The following ERICH6B variants were observed in gnomAD, a reference collection of about 807,000 sequenced individuals.
ERICH6B encodes the protein glutamate-rich protein 6B.
ERICH6B carries 69 observed loss-of-function variants against 80.0 expected under a neutral mutation model. The ratio of observed to expected loss-of-function variants is 0.86; its 90% CI spans 0.71 to 1.05. The LOEUF is 1.05. Ranked by LOEUF, ERICH6B falls within the 50% of genes least tolerant of loss-of-function variation. The pLI is 0.00. For missense variants in ERICH6B, 754 were observed against 796.1 expected, an observed-to-expected ratio of 0.95 and a Z score of 0.64; for synonymous variants, 283 against 291.9, an observed-to-expected ratio of 0.97 and a Z score of 0.31.
At chr13:45,542,765 C>T (rs1338381563) in intron 14 of ERICH6B, among the ~76,000 whole-genome samples, 1 of 152,220 alleles carries the variant, frequency 6.6e-6, no homozygotes, top group Admixed American at 6.5e-5. Context: ...GGCAAGGATG[C>T]TGGGATGTCA....
At chr13:45,566,245 C>G (rs941361365) in intron 9 of ERICH6B, among the ~76,000 whole-genome samples, 2 of 152,228 alleles carry the variant, frequency 1.3e-5, no homozygotes, top group Admixed American at 6.5e-5. Context: ...CATAAAATAT[C>G]AGAAAACTTG....
intron 13 of ERICH6B, 62 bp downstream of exon 13, chr13:45,549,831 C>A: frequency 6.6e-7 from 1 of 1,506,108 alleles, no homozygotes; most frequent in South Asian, 1.3e-5. Flanking sequence ...GTCTGGGAGT[C>A]ACGCTTTTTC....
chr13:45,600,383 T>C (rs896282341), intron 2 of ERICH6B, among the ~76,000 whole-genome samples: 1 of 152,168 alleles, frequency 6.6e-6, no homozygotes, highest in African/African-American at 2.4e-5. Flanking sequence ...TGTAAAAATT[T>C]ATGGGGTACC....
At chr13:45,551,037 T>A (rs955975150) in intron 11 of ERICH6B, among the ~76,000 whole-genome samples, 1 of 152,208 alleles carries the variant, frequency 6.6e-6, no homozygotes, top group African/African-American at 2.4e-5. Flanking sequence ...CTTCAATCAG[T>A]TTTTGCAAAC....
Position 45,590,633 on chromosome 13 carries a change from A to G in ERICH6B, c.686+16T>C. ...CAGGAGTTTCCACCTGATTTATCCC[A>G]AAAGAAAACTGTTACCTTGCATCAC... On this transcript the variant is annotated intron_variant, in intron 4 of 14. Coordinates refer to ENST00000298738, the MANE Select transcript of ERICH6B (RefSeq NM_182542.3). 1 of 1,550,796 alleles carries G rather than the reference A, an allele frequency of 6.4e-7. No homozygotes were observed. The highest frequency in any genetic ancestry group is 8.7e-7 in the Non-Finnish European group (1 of 1,146,568).
At chr13:45,580,543 A>G in intron 6 of ERICH6B, 60 bp downstream of exon 6, 1 of 1,523,140 alleles carries the variant, frequency 6.6e-7, no homozygotes, top group Non-Finnish European at 8.9e-7. Context: ...TGTGCTTCTT[A>G]CCTTCTCTGG....
At position 45,563,546 on chromosome 13, in the gene ERICH6B, A is replaced by G; in HGVS notation, c.1249+181T>C. 3 of 649,848 alleles carry G rather than the reference A, an allele frequency of 4.6e-6. No homozygotes were observed. In the East Asian group the frequency reaches 8.2e-5, roughly 18 times the overall value. The allele number at this position is 649,848 out of a possible 1,614,324, so 40.3% of individuals were successfully genotyped here. ...CAAGAAAGAAACTCACTGGGGCCCTAGACTGTGCCTGCCATGCTCGGTATT... is the reference window on the plus strand; with the variant it reads ...CAAGAAAGAAACTCACTGGGGCCCTGGACTGTGCCTGCCATGCTCGGTATT... On this transcript the variant is annotated intron_variant, in intron 10 of 14. Coordinates refer to ENST00000298738, the MANE Select transcript of ERICH6B (RefSeq NM_182542.3).
intron 5 of ERICH6B, 22 bp from the exon 6 acceptor site, chr13:45,580,687 T>C (rs1257234150): frequency 6.4e-7 from 1 of 1,550,708 alleles, no homozygotes; most frequent in Admixed American, 2.0e-5. Context: ...CAGAAGAGGG[T>C]GGCTATTAAT....
rs1874682095 is a variant in ERICH6B, at chr13:45,561,528, T to C, written c.1250-2A>G. ...TGGTCATCTCTGTTAACTTTTGAGC[T>C]GCCATTCAATTCAACGATTGCATTG... is the stretch of plus-strand genomic sequence containing the variant. On this transcript the variant is annotated splice_acceptor_variant, in intron 10 of 14. Transcript: ENST00000298738. LOFTEE classifies it high-confidence loss of function. 3 of 1,550,768 alleles carry C rather than the reference T, an allele frequency of 1.9e-6. No individual in the cohort carries two copies. The highest frequency in any genetic ancestry group is 2.6e-6 in the Non-Finnish European group (3 of 1,146,758).
intron 11 of ERICH6B, chr13:45,551,703 G>C (rs991714888): frequency 2.0e-5 from 3 of 152,184 alleles, no homozygotes; most frequent in African/African-American, 7.2e-5. Context: ...GGGAGATGGA[G>C]CCTAATGGGA....
intron 1 of ERICH6B, among the ~76,000 whole-genome samples, chr13:45,614,118 G>T (rs764201925): frequency 2.0e-4 from 30 of 152,102 alleles, no homozygotes; most frequent in Non-Finnish European, 4.1e-4. Flanking sequence ...TATATTAACG[G>T]GCCCTCTTTT....
intron 11 of ERICH6B, among the ~76,000 whole-genome samples, chr13:45,559,654 A>G (rs1874585058): frequency 6.6e-6 from 1 of 152,162 alleles, no homozygotes; most frequent in Admixed American, 6.5e-5. Flanking sequence ...TTGTTGACCC[A>G]ATAATCATTC....
intron 8 of ERICH6B, among the ~76,000 whole-genome samples, chr13:45,570,464 A>C (rs1011513862): frequency 6.6e-6 from 1 of 152,168 alleles, no homozygotes; most frequent in Non-Finnish European, 1.5e-5. Flanking sequence ...CGTGATAGTA[A>C]ATTAAAAATA....
At chr13:45,555,962 G>T (rs1454583470) in intron 11 of ERICH6B, among the ~76,000 whole-genome samples, 1 of 147,532 alleles carries the variant, frequency 6.8e-6, no homozygotes, top group African/African-American at 2.5e-5. Context: ...TGCACTTGTT[G>T]GCTCTATCTA....
intron 5 of ERICH6B, among the ~76,000 whole-genome samples, chr13:45,581,136 A>G (rs1875643280): frequency 6.6e-6 from 1 of 152,158 alleles, no homozygotes; most frequent in East Asian, 1.9e-4. Context: ...CTGGATGGGA[A>G]ACATGGGGAT....
chr13:45,580,771 G>T (rs970575021), intron 5 of ERICH6B, 106 bp from the exon 6 acceptor site: 7 of 1,156,182 alleles, frequency 6.1e-6, no homozygotes, highest in Non-Finnish European at 8.7e-6. Context: ...GGCACCCAAG[G>T]CTGGTCAACA....
intron 11 of ERICH6B, among the ~76,000 whole-genome samples, chr13:45,557,513 TG>T (rs755832713): frequency 1.1e-3 from 164 of 152,338 alleles, no homozygotes; most frequent in Non-Finnish European, 1.8e-3. Context: ...CCTAAGCCAA[TG>T]TCTAGAAAAG....
intron 11 of ERICH6B, among the ~76,000 whole-genome samples, chr13:45,555,938 G>A (rs1874418113): frequency 6.7e-6 from 1 of 148,854 alleles, no homozygotes; most frequent in African/African-American, 2.5e-5. Flanking sequence ...GTGAGGCAAA[G>A]GCCTCAGGGC....
At position 45,544,885 on chromosome 13, in the gene ERICH6B, CA is replaced by C. The variant is rs1334767014; in HGVS notation, c.1746del (p.Val583SerfsTer6). 2.6e-6 allele frequency: 4 copies of C among 1,551,694 alleles called. No individual in the cohort carries two copies. Among genetic ancestry groups the C allele is most frequent in the Non-Finnish European group, 2.6e-6 (3 of 1,147,002 alleles). ...TTGATTTTCAAGGAGATGGGCTGGA[CA>C]GGGGGTGCGTGGACATGGATGTTCA... is the stretch of plus-strand genomic sequence containing the variant. ...WNLNIHVHAP[P>X]VQPISLKINE... On this transcript the variant is annotated frameshift_variant, in exon 14 of 15. Coordinates refer to ENST00000298738, the MANE Select transcript of ERICH6B (RefSeq NM_182542.3). LOFTEE classifies it high-confidence loss of function.
Sources: allele counts gnomAD v4.1 joint callset (sites outside exome capture counted in the v4.1 genomes callset), GRCh38; gene constraint gnomAD v4.1.1; transcripts MANE v1.5; gene names NCBI Gene and HGNC (gene_info 2026-07-23, HGNC 2026-07-21).